TCF7L2: variants seen among roughly 807,000 people sequenced by gnomAD.
TCF7L2 encodes the protein transcription factor 7 like 2.
Under a neutral mutation model 77.9 loss-of-function variants are expected in TCF7L2, and 23 were observed. The observed-to-expected ratio is 0.30, with a 90% CI of 0.21 to 0.42. The LOEUF is 0.42. Among genes scored for constraint, TCF7L2 ranks in the 10% least tolerant of loss-of-function variants. The pLI is 1.00. For synonymous variants in TCF7L2, 413 were observed against 340.2 expected, an observed-to-expected ratio of 1.21 and a Z score of -2.36; for missense variants, 654 against 793.1, an observed-to-expected ratio of 0.82 and a Z score of 2.11.
chr10:113,111,940 A>G (rs1281040153), intron 5 of TCF7L2, among the ~76,000 whole-genome samples: 1 of 152,198 alleles, frequency 6.6e-6, no homozygotes, highest in Non-Finnish European at 1.5e-5. Flanking sequence ...AGTCACGCCT[A>G]AACTTCCTTG....
intron 5 of TCF7L2, among the ~76,000 whole-genome samples, chr10:113,074,584 C>T (rs183483980): frequency 1.8e-4 from 28 of 152,248 alleles, no homozygotes; most frequent in East Asian, 1.9e-4. Context: ...CTCATCACTG[C>T]GGGGCTCATC....
chr10:113,097,340 C>T (rs971207055), intron 5 of TCF7L2, among the ~76,000 whole-genome samples: 12 of 152,182 alleles, frequency 7.9e-5, no homozygotes, highest in Admixed American at 2.6e-4. Flanking sequence ...AATTTCTTTC[C>T]TCTTGCCAGT....
At chr10:113,132,073 A>G (rs568717892) in intron 5 of TCF7L2, 3 of 152,386 alleles carry the variant, frequency 2.0e-5, no homozygotes, top group African/African-American at 7.2e-5. Context: ...AAGGCAGGAT[A>G]GAACGGAACA....
Position 113,154,323 on chromosome 10 carries a change from A to G in TCF7L2, c.1269+1883A>G, listed in dbSNP as rs551125618. On this transcript the variant is annotated intron_variant, in intron 11 of 13. Transcript: ENST00000627217. Reference sequence around the variant, plus strand: ...ACAGCTGCTCTCCTGGTTTCGGGTCAGAAGTTCTTAGAGTTCATCTTGAGC... The same window carrying G: ...ACAGCTGCTCTCCTGGTTTCGGGTCGGAAGTTCTTAGAGTTCATCTTGAGC... 9.2e-5 allele frequency among the ~76,000 whole-genome samples: 14 copies of G among 152,312 alleles called. No individual in the cohort carries two copies. The East Asian group carries it at 2.5e-3, about 27-fold the overall frequency.
At chr10:112,993,145 C>T (rs983573212) in intron 4 of TCF7L2, among the ~76,000 whole-genome samples, 12 of 152,166 alleles carry the variant, frequency 7.9e-5, no homozygotes, top group South Asian at 2.1e-4. Context: ...TGTCACGTGT[C>T]CTCTCCCCAC....
chr10:113,066,263 G>A (rs1219433603), intron 5 of TCF7L2, among the ~76,000 whole-genome samples: 4 of 152,046 alleles, frequency 2.6e-5, no homozygotes, highest in Admixed American at 6.6e-5. Flanking sequence ...TACTGGGGAG[G>A]CTGAGGCAGG....
intron 5 of TCF7L2, among the ~76,000 whole-genome samples, chr10:113,068,223 A>G (rs900193225): frequency 1.3e-5 from 2 of 152,204 alleles, no homozygotes; most frequent in South Asian, 2.1e-4. Context: ...CCACCTTCCT[A>G]TTTTGAATAA....
intron 4 of TCF7L2, among the ~76,000 whole-genome samples, chr10:113,011,023 A>G (rs1441261636): frequency 6.6e-6 from 1 of 152,152 alleles, no homozygotes; most frequent in Non-Finnish European, 1.5e-5. Flanking sequence ...AAGAAAAAAA[A>G]GGAAATTAGT....
chr10:113,161,499 C>T (rs140157833), intron 13 of TCF7L2: 38 of 1,462,456 alleles, frequency 2.6e-5, no homozygotes, highest in Admixed American at 3.9e-5. Context: ...GGAGGGATAC[C>T]GACTAGCTCC....
chr10:112,955,856 T>C (rs769301753), intron 3 of TCF7L2, among the ~76,000 whole-genome samples: 1 of 152,162 alleles, frequency 6.6e-6, no homozygotes, highest in Non-Finnish European at 1.5e-5. Context: ...ATATTTGCTT[T>C]AGAAAACTAG....
chr10:113,027,708 T>A (rs78219001), intron 4 of TCF7L2, among the ~76,000 whole-genome samples: 5 of 152,142 alleles, frequency 3.3e-5, no homozygotes, highest in Non-Finnish European at 7.4e-5. Flanking sequence ...AGAGAGGCAG[T>A]TTCTACAGCC....
At chr10:113,096,079 C>G (rs1052461512) in intron 5 of TCF7L2, among the ~76,000 whole-genome samples, 1 of 152,146 alleles carries the variant, frequency 6.6e-6, no homozygotes, top group African/African-American at 2.4e-5. Flanking sequence ...TAGTCTGCGT[C>G]AAGGGAGAGT....
chr10:113,144,088 CTGTG>C, intron 7 of TCF7L2, 63 bp downstream of exon 7: 2 of 1,261,830 alleles, frequency 1.6e-6, no homozygotes, highest in Non-Finnish European at 2.2e-6. Flanking sequence ...ATTATTTATT[CTGTG>C]TGTGTGTCTG....
chr10:113,071,025 T>C (rs573138178), intron 5 of TCF7L2, among the ~76,000 whole-genome samples: 7 of 152,334 alleles, frequency 4.6e-5, no homozygotes, highest in African/African-American at 1.7e-4. Flanking sequence ...TTCATATAGA[T>C]GAAATCATAG....
chr10:112,957,917 T>C (rs940804690), intron 3 of TCF7L2, among the ~76,000 whole-genome samples: 1 of 152,156 alleles, frequency 6.6e-6, no homozygotes, highest in African/African-American at 2.4e-5. Context: ...GATTCAAAGG[T>C]GTTTGCCAGG....
chr10:112,991,693 C>T (rs1028540408), intron 4 of TCF7L2, among the ~76,000 whole-genome samples: 24 of 152,220 alleles, frequency 1.6e-4, no homozygotes, highest in African/African-American at 5.1e-4. Flanking sequence ...GCAGAGACAG[C>T]GCAGGCTGCT....
At chr10:113,074,533 C>T (rs534131242) in intron 5 of TCF7L2, among the ~76,000 whole-genome samples, 9 of 152,286 alleles carry the variant, frequency 5.9e-5, no homozygotes, top group African/African-American at 1.4e-4. Context: ...AAAGAGTTGT[C>T]GGACTGTGCG....
chr10:113,148,321 C>T (rs2069944973), intron 8 of TCF7L2, among the ~76,000 whole-genome samples: 1 of 152,140 alleles, frequency 6.6e-6, no homozygotes, highest in African/African-American at 2.4e-5. Context: ...AATCTGCCGG[C>T]TTCAAAGGGA....
intron 5 of TCF7L2, chr10:113,129,624 A>T: frequency 8.5e-7 from 1 of 1,172,380 alleles, no homozygotes; most frequent in Non-Finnish European, 1.1e-6. Context: ...AATTCTAGGC[A>T]ATATGAGCGA....
Sources: allele counts gnomAD v4.1 joint callset (sites outside exome capture counted in the v4.1 genomes callset), GRCh38; gene constraint gnomAD v4.1.1; transcripts MANE v1.5; gene names NCBI Gene and HGNC (gene_info 2026-07-23, HGNC 2026-07-21).